DTNA: variants seen among roughly 807,000 people sequenced by gnomAD.
The protein encoded by DTNA is dystrophin-related protein 3.
A neutral mutation model predicts 100.7 loss-of-function variants in DTNA; 43 were observed. The ratio of observed to expected loss-of-function variants is 0.43; its 90% CI spans 0.33 to 0.55. The LOEUF is 0.55. Ranked by LOEUF, DTNA falls within the 20% of genes least tolerant of loss-of-function variation. The pLI is 0.04. For synonymous variants in DTNA, 349 were observed against 347.9 expected, an observed-to-expected ratio of 1.00 and a Z score of -0.04; for missense variants, 798 against 953.9, an observed-to-expected ratio of 0.84 and a Z score of 2.15.
chr18:34,767,692 A>T (rs1194449559), intron 3 of DTNA: 1 of 19,730 alleles, frequency 5.1e-5, no homozygotes, highest in African/African-American at 5.6e-5. Context: ...TCCCCTTCTT[A>T]TAAGGCCACC....
intron 16 of DTNA, among the ~76,000 whole-genome samples, chr18:34,860,687 A>G (rs1446776541): frequency 6.6e-6 from 1 of 152,188 alleles, no homozygotes; most frequent in Non-Finnish European, 1.5e-5. Flanking sequence ...TAAAACCACA[A>G]TGAACTTTCT....
chr18:34,880,585 C>T (rs2096863113), intron 20 of DTNA, among the ~76,000 whole-genome samples: 1 of 152,156 alleles, frequency 6.6e-6, no homozygotes, highest in African/African-American at 2.4e-5. Context: ...ATGAAAAGTA[C>T]TTCAGACTAG....
At position 34,851,992 on chromosome 18, in the gene DTNA, C is replaced by T. The variant is rs560835899; in HGVS notation, c.1532+64C>T. The T allele has an allele frequency of 1.3e-5, 20 of 1,545,134 alleles. No homozygotes were observed. The African/African-American group carries it at 1.4e-4, about 11-fold the overall frequency. On this transcript the variant is annotated intron_variant, in intron 15 of 22. Coordinates refer to ENST00000444659, the MANE Select transcript of DTNA (RefSeq NM_001386795.1). ...TGCGCATTCCTTAATAAACTATGGTCGTGCTTTAAAGTTTCAGGGCTTTAC... is the reference window on the plus strand; with the variant it reads ...TGCGCATTCCTTAATAAACTATGGTTGTGCTTTAAAGTTTCAGGGCTTTAC...
intron 1 of DTNA, among the ~76,000 whole-genome samples, chr18:34,619,893 G>A (rs1254855089): frequency 6.6e-6 from 1 of 152,090 alleles, no homozygotes; most frequent in Admixed American, 6.6e-5. Flanking sequence ...GCATGGGGAA[G>A]AACCCTAGAG....
intron 3 of DTNA, among the ~76,000 whole-genome samples, chr18:34,775,233 T>TC (rs1170411927): frequency 6.6e-6 from 1 of 152,182 alleles, no homozygotes; most frequent in Non-Finnish European, 1.5e-5. Context: ...ATGCTTGTAA[T>TC]CCCAGCACTT....
Position 34,882,186 on chromosome 18 carries a change from A to G in DTNA, c.2280A>G (p.Gln760=). Residue 760 remains glutamine (Q), a synonymous_variant, in exon 21 of 23, where the codon CAA becomes CAG. Coordinates refer to ENST00000444659, the MANE Select transcript of DTNA (RefSeq NM_001386795.1). ...AGGAATACCTGAAACAGAAGCTGCA[A>G]GATGAAGCTTATCAGGTACAGGGAT... ...QMEEYLKQKL[Q]DEAYQVSLQG is the part of the protein sequence containing the mutation. 6.2e-7 allele frequency: 1 copy of G among 1,613,946 alleles called. No homozygotes were observed. The highest frequency in any genetic ancestry group is 8.5e-7 in the Non-Finnish European group (1 of 1,179,936).
intron 1 of DTNA, among the ~76,000 whole-genome samples, chr18:34,568,900 G>A (rs2047326297): frequency 6.6e-6 from 1 of 152,154 alleles, no homozygotes; most frequent in Non-Finnish European, 1.5e-5. Context: ...ACAGACATGA[G>A]CCGCCACACC....
chr18:34,516,010 A>C (rs2041570153), intron 1 of DTNA, among the ~76,000 whole-genome samples: 1 of 152,142 alleles, frequency 6.6e-6, no homozygotes, highest in African/African-American at 2.4e-5. Flanking sequence ...CCTTTTAGCC[A>C]ATCTTTTTCT....
chr18:34,572,580 G>T (rs995536772), intron 1 of DTNA, among the ~76,000 whole-genome samples: 1 of 152,110 alleles, frequency 6.6e-6, no homozygotes, highest in East Asian at 1.9e-4. Flanking sequence ...CTAGCACCCC[G>T]TACTCTTAGA....
At chr18:34,527,081 C>T (rs569782604) in intron 1 of DTNA, among the ~76,000 whole-genome samples, 6 of 152,002 alleles carry the variant, frequency 3.9e-5, no homozygotes, top group Non-Finnish European at 7.4e-5. Context: ...CCACTCTGTT[C>T]TCTCTCTCTA....
At chr18:34,603,765 A>G (rs769092947) in intron 1 of DTNA, among the ~76,000 whole-genome samples, 14 of 152,214 alleles carry the variant, frequency 9.2e-5, no homozygotes, top group East Asian at 1.9e-4. Flanking sequence ...ATGATCACAC[A>G]TCGTTAAATT....
At chr18:34,575,696 A>G (rs1053097023) in intron 1 of DTNA, among the ~76,000 whole-genome samples, 3 of 152,182 alleles carry the variant, frequency 2.0e-5, no homozygotes, top group Non-Finnish European at 4.4e-5. Flanking sequence ...AAATTTCAAG[A>G]TTATTCTGGT....
chr18:34,601,136 A>G (rs1180490910), intron 1 of DTNA, among the ~76,000 whole-genome samples: 19 of 152,236 alleles, frequency 1.2e-4, no homozygotes, highest in Admixed American at 1.1e-3. Flanking sequence ...CTGAAGTGGC[A>G]GTGTACAGCA....
intron 1 of DTNA, among the ~76,000 whole-genome samples, chr18:34,544,221 A>G (rs1480169566): frequency 6.6e-6 from 1 of 152,064 alleles, no homozygotes; most frequent in Non-Finnish European, 1.5e-5. Context: ...TTTCATGTAA[A>G]TAACACTACT....
intron 16 of DTNA, among the ~76,000 whole-genome samples, chr18:34,858,797 G>A (rs529700775): frequency 6.6e-6 from 1 of 151,738 alleles, no homozygotes; most frequent in Non-Finnish European, 1.5e-5. Context: ...ATTTAGTAGA[G>A]ACAGGGTTTC....
At chr18:34,518,830 G>C (rs979889534) in intron 1 of DTNA, among the ~76,000 whole-genome samples, 1 of 151,682 alleles carries the variant, frequency 6.6e-6, no homozygotes, top group Non-Finnish European at 1.5e-5. Context: ...CTGGTATAGT[G>C]GGGGAGGTAC....
At chr18:34,715,231 A>G (rs1432321326) in intron 1 of DTNA, among the ~76,000 whole-genome samples, 1 of 152,082 alleles carries the variant, frequency 6.6e-6, no homozygotes, top group Non-Finnish European at 1.5e-5. Flanking sequence ...AAAAAAAATG[A>G]TTAAACTTAT....
At chr18:34,675,008 T>C (rs2077227314) in intron 1 of DTNA, among the ~76,000 whole-genome samples, 1 of 152,058 alleles carries the variant, frequency 6.6e-6, no homozygotes, top group African/African-American at 2.4e-5. Context: ...AAAAGGGAAG[T>C]TAGACTTACC....
At chr18:34,839,098 G>A (rs1329420954) in intron 13 of DTNA, among the ~76,000 whole-genome samples, 3 of 152,148 alleles carry the variant, frequency 2.0e-5, no homozygotes, top group South Asian at 2.1e-4. Flanking sequence ...TAGCCTTCAG[G>A]TAGATTCAGG....
Sources: gnomAD v4.1 joint callset for allele counts (sites outside exome capture counted in the v4.1 genomes callset) on GRCh38, gnomAD v4.1.1 for gene constraint, MANE v1.5 for transcripts, NCBI Gene and HGNC (gene_info 2026-07-23, HGNC 2026-07-21) for gene names.